NOC2L: variants seen among roughly 807,000 people sequenced by gnomAD.
NOC2L encodes NOC2 like nucleolar associated transcriptional repressor, also known as nucleolar complex protein 2 homolog.
A neutral mutation model predicts 94.2 loss-of-function variants in NOC2L; 101 were observed. That is an observed-to-expected ratio of 1.07 (90% CI 0.91 to 1.26). The LOEUF (loss-of-function observed/expected upper bound fraction) is 1.26, where lower values mean the gene tolerates loss of function less well. NOC2L is among the 50% of genes most tolerant of loss of function. The pLI is 0.00. For missense variants in NOC2L, 1,076 were observed against 980.1 expected (o/e 1.10, Z -1.31); for synonymous variants, 531 against 413.4 (o/e 1.28, Z -3.45).
chr1:955,915 C>T lies in NOC2L; in HGVS notation c.698+8G>A, dbSNP rs1401699386. Reference sequence around the variant, plus strand: ...CACCCTACCCCCCTTCACCCCCTCCCCTCTTACCTGCTGCTATCCTTTGCC... The same window carrying T: ...CACCCTACCCCCCTTCACCCCCTCCTCTCTTACCTGCTGCTATCCTTTGCC... On this transcript the variant is annotated splice_region_variant and intron_variant, in intron 6 of 18. Transcript: ENST00000327044. 14 of 1,611,984 alleles carry T rather than the reference C, an allele frequency of 8.7e-6. No individual in the cohort carries two copies. The highest frequency in any genetic ancestry group is 1.2e-5 in the Non-Finnish European group (14 of 1,178,260).
intron 12 of NOC2L, among the ~76,000 whole-genome samples, chr1:949,822 C>T (rs1393258204): frequency 1.3e-5 from 2 of 152,210 alleles, no homozygotes; most frequent in Non-Finnish European, 2.9e-5. Flanking sequence ...ATCCCTGCCT[C>T]AGTGGAAGGG....
rs753643247 is a variant in NOC2L, at chr1:956,182, C to T, written c.520G>A (p.Val174Ile). 11 of 1,613,922 alleles carry T rather than the reference C, an allele frequency of 6.8e-6. No homozygotes were observed. The East Asian group carries it at 2.0e-4, about 29-fold the overall frequency. ...RLTPKLFHEVVQAFRAAVATT... is the reference protein window; with the variant it reads ...RLTPKLFHEVIQAFRAAVATT... ...GCCACAGCTGCTCGGAACGCCTGTA[C>T]CACTTCATGGAACAGCTTTGGAGTG... The change falls in exon 5 of 19, where the codon GTA becomes ATA. Residue 174 changes from valine to isoleucine, a missense_variant. By Grantham distance (29) the Val-to-Ile change is conservative. This residue lies in a region of NOC2L where 457 missense variants were observed against 386.0 expected (regional missense o/e 1.18). Coordinates refer to ENST00000327044, the MANE Select transcript of NOC2L (RefSeq NM_015658.4).
rs975214363 is a variant in NOC2L, at chr1:944,368, G to A, written c.*326C>T. The stretch of plus-strand genomic sequence containing the variant: ...AGATGGACGAGGTCTGCAGACGGAG[G>A]GCAGAGGTGGTGGAAGGGGCCAGGG... On this transcript the variant is annotated 3_prime_UTR_variant, in exon 19 of 19. Transcript: ENST00000327044. 2.9e-5 allele frequency: 39 copies of A among 1,360,808 alleles called. 1 individual carries two copies. The Middle Eastern group carries it at 8.0e-4, about 28-fold the overall frequency. 84.3% of individuals were successfully genotyped at this position (1,360,808 alleles called of 1,614,324 possible).
chr1:958,196 G>A (rs1195947188), intron 2 of NOC2L: 1 of 157,538 alleles, frequency 6.3e-6, no homozygotes, highest in African/African-American at 2.4e-5. Flanking sequence ...AGCCTCCCGA[G>A]TAGCTGGGAC....
At chr1:949,725 G>A (rs908406808) in intron 12 of NOC2L, among the ~76,000 whole-genome samples, 1 of 152,208 alleles carries the variant, frequency 6.6e-6, no homozygotes, top group African/African-American at 2.4e-5. Context: ...GAGGCCCACA[G>A]ACACAGGGGC....
At chr1:951,291 C>A in intron 11 of NOC2L, 53 bp from the exon 12 acceptor site, 2 of 1,358,660 alleles carry the variant, frequency 1.5e-6, no homozygotes, top group African/African-American at 1.4e-5. Flanking sequence ...CAGCCCCTGC[C>A]CCTCCCCCTG....
chr1:956,192 G>A lies in NOC2L; in HGVS notation c.510C>T (p.Phe170=). The change falls in exon 5 of 19, where the codon TTC becomes TTT. Residue 170 remains phenylalanine (F), a synonymous_variant. Coordinates refer to ENST00000327044, the MANE Select transcript of NOC2L (RefSeq NM_015658.4). ...CTCGGAACGCCTGTACCACTTCATG[G>A]AACAGCTTTGGAGTGAGGCGTTGCT... ...AAKQRLTPKL[F]HEVVQAFRAA... 2 of 1,613,838 alleles carry A rather than the reference G, an allele frequency of 1.2e-6. No individual in the cohort carries two copies. Among genetic ancestry groups the A allele is most frequent in the African/African-American group, 1.3e-5 (1 of 75,048 alleles).
chr1:944,440 CGT>C lies in NOC2L; in HGVS notation c.*252_*253del. 3.1e-6 allele frequency: 3 copies of C among 976,482 alleles called. No homozygotes were observed. Among genetic ancestry groups the C allele is most frequent in the Non-Finnish European group, 4.2e-6 (3 of 708,434 alleles). 60.5% of individuals were successfully genotyped at this position (976,482 alleles called of 1,614,324 possible). On this transcript the variant is annotated 3_prime_UTR_variant, in exon 19 of 19. Transcript: ENST00000327044. ...ACTGGGACTGGTCTCGGTCTGCTGACGTCAGGGTCAGCTCCCCCGCGGAGCTG... is the reference window on the plus strand; with the variant it reads ...ACTGGGACTGGTCTCGGTCTGCTGACCAGGGTCAGCTCCCCCGCGGAGCTG...
chr1:953,145 G>C, intron 9 of NOC2L, 30 bp downstream of exon 9: 1 of 1,505,496 alleles, frequency 6.6e-7, no homozygotes, highest in African/African-American at 1.4e-5. Flanking sequence ...TGCAGATGCT[G>C]AGGGACACAG....
intron 16 of NOC2L, 131 bp downstream of exon 16, chr1:946,042 G>T: frequency 2.9e-6 from 2 of 700,764 alleles, no homozygotes; most frequent in South Asian, 1.8e-5. Flanking sequence ...TCTCCAAGTC[G>T]AATCATCCGG....
intron 14 of NOC2L, among the ~76,000 whole-genome samples, chr1:947,885 G>T (rs533141738): frequency 1.3e-5 from 2 of 152,244 alleles, no homozygotes; most frequent in Non-Finnish European, 2.9e-5. Context: ...TTCCCACCTG[G>T]GGAGGAGGCT....
rs1642504013 is a variant in NOC2L at position 959,049 on chromosome 1, AG to A, written c.58del (p.Leu20Ter). On this transcript the variant is annotated frameshift_variant, in exon 2 of 19. Coordinates refer to ENST00000327044, the MANE Select transcript of NOC2L (RefSeq NM_015658.4). LOFTEE classifies it high-confidence loss of function. Reference sequence around the variant, plus strand: ...GGACTCGGAGTCAAAGCCCGAAGCTAGGAACTCGTCCACCGTCAGCTCCGCC... The same window carrying A: ...GGACTCGGAGTCAAAGCCCGAAGCTAGAACTCGTCCACCGTCAGCTCCGCC... ...RLAELTVDEF[L>X]ASGFDSESES... 1.2e-6 allele frequency: 2 copies of A among 1,611,144 alleles called. No individual in the cohort carries two copies. Among genetic ancestry groups the A allele is most frequent in the Non-Finnish European group, 1.7e-6 (2 of 1,178,802 alleles).
At chr1:952,756 C>T (rs1642294790) in intron 9 of NOC2L, among the ~76,000 whole-genome samples, 156 bp from the exon 10 acceptor site, 1 of 152,162 alleles carries the variant, frequency 6.6e-6, no homozygotes, top group Non-Finnish European at 1.5e-5. Context: ...CAAGTGCCCA[C>T]CAGCCTCAGG....
intron 12 of NOC2L, 34 bp from the exon 13 acceptor site, chr1:948,637 C>T: frequency 1.8e-6 from 2 of 1,089,672 alleles, no homozygotes; most frequent in Non-Finnish European, 2.3e-6. Flanking sequence ...TCTCTCGGCC[C>T]CATGCCTGGT....
At chr1:951,487 C>G (rs890771876) in intron 11 of NOC2L, among the ~76,000 whole-genome samples, 1 of 152,216 alleles carries the variant, frequency 6.6e-6, no homozygotes, top group East Asian at 1.9e-4. Context: ...TCCCTGTTCC[C>G]GCCTTTCCTA....
Position 944,315 on chromosome 1 carries a change from T to G in NOC2L, c.*379A>C. 7.2e-7 allele frequency: 1 copy of G among 1,388,728 alleles called. No homozygotes were observed. The highest frequency in any genetic ancestry group is 9.3e-7 in the Non-Finnish European group (1 of 1,077,854). The allele number at this position is 1,388,728 out of a possible 1,614,324, so 86.0% of individuals were successfully genotyped here. A position where few individuals can be genotyped will look rare whatever the true frequency, so the allele number is the denominator to read the frequency against. ...AGGAAAGGAACAAATTTTCAAAGAC[T>G]TGGGGGAGTGAAGGCAGAGCCTGGT... On this transcript the variant is annotated 3_prime_UTR_variant, in exon 19 of 19. Transcript: ENST00000327044.
intron 18 of NOC2L, 30 bp downstream of exon 18, chr1:945,027 G>A (rs760320411): frequency 1.9e-6 from 3 of 1,613,716 alleles, no homozygotes; most frequent in African/African-American, 1.3e-5. Context: ...GGCTCACAGG[G>A]CCACACCCTC....
At position 946,293 on chromosome 1, in the gene NOC2L, G is replaced by T; in HGVS notation, c.1804-7C>A. The T allele has an allele frequency of 1.9e-6, 3 of 1,612,814 alleles. No homozygotes were observed. Among genetic ancestry groups the T allele is most frequent in the Non-Finnish European group, 2.5e-6 (3 of 1,179,150 alleles). On this transcript the variant is annotated splice_region_variant and splice_polypyrimidine_tract_variant and intron_variant, in intron 15 of 18. Coordinates refer to ENST00000327044, the MANE Select transcript of NOC2L (RefSeq NM_015658.4). ...TCAGCTTCTCCCAGGCTTCCTGGGG[G>T]GTTGGGGGAGTTCAGGGTCATGCCT...
chr1:951,970 C>T, intron 11 of NOC2L, 30 bp downstream of exon 11: 2 of 1,598,108 alleles, frequency 1.3e-6, no homozygotes, highest in East Asian at 2.2e-5. Context: ...CCTGACCCTC[C>T]CGCACAACCC....
Sources: allele counts gnomAD v4.1 joint callset (sites outside exome capture counted in the v4.1 genomes callset), GRCh38; gene constraint gnomAD v4.1.1; regional missense constraint gnomAD v4.1.1; transcripts MANE v1.5; gene names NCBI Gene and HGNC (gene_info 2026-07-23, HGNC 2026-07-21).